Variants in PHF21B observed in about 807,000 individuals in gnomAD.
The protein encoded by PHF21B is PHD finger protein 21B.
A neutral mutation model predicts 62.2 loss-of-function variants in PHF21B; 22 were observed. The ratio of observed to expected loss-of-function variants is 0.35; its 90% CI spans 0.25 to 0.51. The LOEUF is 0.51. Ranked by LOEUF, PHF21B falls within the 20% of genes least tolerant of loss-of-function variation. PHF21B has a pLI of 0.97. For synonymous variants in PHF21B, 341 were observed against 314.7 expected (o/e 1.08, Z -0.88); for missense variants, 701 against 707.9 (o/e 0.99, Z 0.11).
chr22:44,918,986 C>T (rs905923911), intron 3 of PHF21B, among the ~76,000 whole-genome samples: 11 of 152,204 alleles, frequency 7.2e-5, no homozygotes, highest in Admixed American at 7.2e-4. Flanking sequence ...CTCCCTCCCT[C>T]AGTGCTTTGA....
chr22:44,962,183 C>T (rs114097146), intron 2 of PHF21B, among the ~76,000 whole-genome samples: 11,419 of 152,224 alleles, frequency 0.075, 501 homozygotes, highest in South Asian at 0.11. Flanking sequence ...TTTGAGAAAT[C>T]TCCAAACTGC....
chr22:45,009,552 C>A lies in PHF21B; in HGVS notation c.-3G>T. 2 of 1,573,318 alleles carry A rather than the reference C, an allele frequency of 1.3e-6. No homozygotes were observed. Among genetic ancestry groups the A allele is most frequent in the East Asian group, 2.3e-5 (1 of 42,970 alleles). On this transcript the variant is annotated 5_prime_UTR_variant, in exon 1 of 13. Transcript: ENST00000313237. The surrounding 1 kb of genome is among the most constrained non-coding windows in gnomAD (Gnocchi z 5.9). ...TCGGGCCGGCTCTGCAGCTCCATCC[C>A]GGCAACTTGGGCAGCACTTTGCGCT...
At chr22:44,955,109 T>C (rs1284597914) in intron 2 of PHF21B, among the ~76,000 whole-genome samples, 1 of 152,112 alleles carries the variant, frequency 6.6e-6, no homozygotes, top group Non-Finnish European at 1.5e-5. Flanking sequence ...GAATGGCCGG[T>C]TAAGAAGAAG....
At chr22:44,990,676 GA>G (rs2073029145) in intron 2 of PHF21B, among the ~76,000 whole-genome samples, 2 of 152,228 alleles carry the variant, frequency 1.3e-5, no homozygotes, top group Admixed American at 1.3e-4. Context: ...GCCTGGGGAG[GA>G]AGGAATAGGA....
chr22:44,927,118 C>A lies in PHF21B; in HGVS notation c.121-6628G>T, dbSNP rs1281122009. ...CCCAAAGGAGAGGGACGGATGGAGG[C>A]GGCGGAGAGGCAGAACCCCGAGAGA... On this transcript the variant is annotated intron_variant, in intron 2 of 12. Coordinates refer to ENST00000313237, the MANE Select transcript of PHF21B (RefSeq NM_138415.5). Among the ~76,000 whole-genome samples, 6 of 151,970 alleles carry A rather than the reference C, an allele frequency of 3.9e-5. No individual in the cohort carries two copies. The East Asian group carries it at 1.2e-3, about 29-fold the overall frequency.
intron 2 of PHF21B, among the ~76,000 whole-genome samples, chr22:44,948,303 G>A (rs892659081): frequency 2.0e-5 from 3 of 152,190 alleles, no homozygotes; most frequent in Non-Finnish European, 2.9e-5. Context: ...ATCTGCGGGT[G>A]GGTGATGGGG....
intron 1 of PHF21B, chr22:45,008,917 AGTGTGT>A: frequency 3.5e-6 from 4 of 1,131,964 alleles, no homozygotes; most frequent in Non-Finnish European, 4.3e-6. Flanking sequence ...TGTGAGTGTG[AGTGTGT>A]GCCGGGGGAG....
chr22:44,971,982 G>T (rs976874781), intron 2 of PHF21B, among the ~76,000 whole-genome samples: 2 of 152,224 alleles, frequency 1.3e-5, no homozygotes, highest in Non-Finnish European at 2.9e-5. Flanking sequence ...GGTTGCAGTT[G>T]GGGGGAGAGA....
rs769885034 is a variant in PHF21B at position 44,885,477 on chromosome 22, G to A, written c.1326C>T (p.Asn442=). Residue 442 remains asparagine, a synonymous_variant, in exon 12 of 13, where the codon AAC becomes AAT. Coordinates refer to ENST00000313237, the MANE Select transcript of PHF21B (RefSeq NM_138415.5). ...KLLQRGSELQ[N]EHQQLEERDR... ...CCCGCTCCTCCAGCTGCTGGTGCTCGTTCTGCAGCTCACTGCCTCGTTGCA... is the reference window on the plus strand; with the variant it reads ...CCCGCTCCTCCAGCTGCTGGTGCTCATTCTGCAGCTCACTGCCTCGTTGCA... 93 of 1,599,868 alleles carry A rather than the reference G, an allele frequency of 5.8e-5. 1 individual carries two copies. The highest frequency in any genetic ancestry group is 1.3e-4 in the East Asian group (6 of 44,524).
intron 2 of PHF21B, among the ~76,000 whole-genome samples, chr22:44,984,703 G>C (rs545151524): frequency 6.6e-6 from 1 of 152,228 alleles, no homozygotes; most frequent in African/African-American, 2.4e-5. Context: ...AATTTGTAAG[G>C]TGATAGGACT....
intron 2 of PHF21B, among the ~76,000 whole-genome samples, chr22:45,005,636 G>C (rs905882814): frequency 2.6e-5 from 4 of 152,288 alleles, no homozygotes; most frequent in Non-Finnish European, 5.9e-5. Flanking sequence ...CTGAAAGACA[G>C]GATTCCGCTG....
chr22:44,951,212 G>A (rs2072186909), intron 2 of PHF21B, among the ~76,000 whole-genome samples: 1 of 152,158 alleles, frequency 6.6e-6, no homozygotes, highest in African/African-American at 2.4e-5. Context: ...TTGCAGCCGT[G>A]CTCCAGTGCC....
At chr22:44,910,232 G>A (rs879344088) in intron 5 of PHF21B, among the ~76,000 whole-genome samples, 1 of 152,198 alleles carries the variant, frequency 6.6e-6, no homozygotes, top group Non-Finnish European at 1.5e-5. Context: ...ACCACTCCTG[G>A]GGGCCAACAT....
chr22:44,919,929 G>T (rs551105571), intron 3 of PHF21B, among the ~76,000 whole-genome samples: 1 of 152,220 alleles, frequency 6.6e-6, no homozygotes, highest in Non-Finnish European at 1.5e-5. Context: ...TCCAGTCGGG[G>T]GGGACCCTGC....
intron 2 of PHF21B, among the ~76,000 whole-genome samples, chr22:44,970,326 C>T (rs1245068641): frequency 6.6e-6 from 1 of 152,220 alleles, no homozygotes; most frequent in Non-Finnish European, 1.5e-5. Context: ...CTCGAGATTC[C>T]AGGAATTCCT....
At chr22:44,977,575 A>G (rs527857926) in intron 2 of PHF21B, among the ~76,000 whole-genome samples, 27 of 151,484 alleles carry the variant, frequency 1.8e-4, no homozygotes, top group Admixed American at 1.4e-3. Context: ...AAAAAAAAAA[A>G]AAAGGATATC....
chr22:44,977,741 G>A (rs2072764484), intron 2 of PHF21B, among the ~76,000 whole-genome samples: 1 of 143,308 alleles, frequency 7.0e-6, no homozygotes, highest in Non-Finnish European at 1.5e-5. Flanking sequence ...ACCACACCCA[G>A]CTCATTTTTC....
chr22:44,886,973 G>A (rs1210379756), intron 10 of PHF21B, among the ~76,000 whole-genome samples: 1 of 151,968 alleles, frequency 6.6e-6, no homozygotes, highest in African/African-American at 2.4e-5. Flanking sequence ...TGGCCAACAT[G>A]GTGAAACCCC....
chr22:44,931,422 T>C (rs1231065348), intron 2 of PHF21B, among the ~76,000 whole-genome samples: 1 of 152,074 alleles, frequency 6.6e-6, no homozygotes, highest in East Asian at 1.9e-4. Context: ...CAGGGCCACT[T>C]AACCAATCGC....
Sources: allele counts gnomAD v4.1 joint callset (sites outside exome capture counted in the v4.1 genomes callset), GRCh38; gene constraint gnomAD v4.1.1; non-coding constraint Gnocchi (gnomAD v3.1); transcripts MANE v1.5; gene names NCBI Gene and HGNC (gene_info 2026-07-23, HGNC 2026-07-21).